BCL6: variants seen among roughly 807,000 people sequenced by gnomAD.
The protein encoded by BCL6 is B-cell lymphoma 6 protein.
BCL6 carries 7 observed loss-of-function variants against 59.5 expected under a neutral mutation model. That is an observed-to-expected ratio of 0.12 (90% CI 0.07 to 0.22). BCL6 has a LOEUF of 0.22. Among genes scored for constraint, BCL6 ranks in the 10% least tolerant of loss-of-function variants. The probability of loss-of-function intolerance (pLI) is 1.00; values close to 1 mark genes in which losing one functional copy is unlikely to be tolerated. For synonymous variants in BCL6, 339 were observed against 349.7 expected (o/e 0.97, Z 0.34); for missense variants, 685 against 939.4 (o/e 0.73, Z 3.54).
chr3:187,729,054 T>C lies in BCL6; in HGVS notation c.1351A>G (p.Asn451Asp), dbSNP rs1718876504. Residue 451 changes from asparagine (N) to aspartate (D), a missense_variant, in exon 5 of 10, where the codon AAC becomes GAC. Asn to Asp is a conservative substitution (Grantham distance 23, BLOSUM62 1). This residue lies in a region of BCL6 where 207 missense variants were observed against 213.7 expected (regional missense o/e 0.97). Coordinates refer to ENST00000406870, the MANE Select transcript of BCL6 (RefSeq NM_001706.5). The surrounding 1 kb of genome is among the most constrained non-coding windows in gnomAD (Gnocchi z 5.6). ...CCAGACAGTCTCTGAAATCACCTGT[T>C]AACGATGTTATTGAGCCGGCTGGCT... ...PQASRLNNIV[N>D]RSMTGSPRSS... is the part of the protein sequence containing the mutation. The C allele has an allele frequency of 6.6e-7, 1 of 1,523,316 alleles. No individual in the cohort carries two copies. The highest frequency in any genetic ancestry group is 8.8e-7 in the Non-Finnish European group (1 of 1,137,656). 94.4% of individuals were successfully genotyped at this position (1,523,316 alleles called of 1,614,324 possible). A position where few individuals can be genotyped will look rare whatever the true frequency, so the allele number is the denominator to read the frequency against.
chr3:187,733,102 A>G (rs1185423711), intron 3 of BCL6, among the ~76,000 whole-genome samples: 1 of 152,234 alleles, frequency 6.6e-6, no homozygotes, highest in Non-Finnish European at 1.5e-5. Flanking sequence ...TATACTCTGA[A>G]CACCCATGGA....
At chr3:187,733,825 G>T in intron 2 of BCL6, 122 bp from the exon 3 acceptor site, 3 of 953,566 alleles carry the variant, frequency 3.1e-6, no homozygotes, top group Non-Finnish European at 3.3e-6. Context: ...CCTTGTATTT[G>T]ATCTTTGAAC....
At chr3:187,741,102 C>T (rs1240567195) in intron 1 of BCL6, among the ~76,000 whole-genome samples, 2 of 152,198 alleles carry the variant, frequency 1.3e-5, no homozygotes, top group African/African-American at 4.8e-5. Flanking sequence ...TCCCTACCCG[C>T]CCCTCTTTAT....
chr3:187,728,413 G>A lies in BCL6; in HGVS notation c.1487C>T (p.Thr496Met), dbSNP rs375595181. The stretch of plus-strand genomic sequence containing the variant: ...GGTCTCTCCCATCTCCTCAGGGAAC[G>A]TGGGGCCAGCGGTGTGGAGGCACAT... Reference protein sequence around the residue: ...AEMCLHTAGPTFPEEMGETQS... With the variant: ...AEMCLHTAGPMFPEEMGETQS... The change falls in exon 6 of 10, where the codon ACG becomes ATG. Residue 496 changes from threonine (T) to methionine (M), a missense_variant. Physicochemically the swap from Thr to Met is moderately conservative, Grantham distance 81. This residue lies in a region of BCL6 where 207 missense variants were observed against 213.7 expected (regional missense o/e 0.97). Coordinates refer to ENST00000406870, the MANE Select transcript of BCL6 (RefSeq NM_001706.5). 2.1e-5 allele frequency: 34 copies of A among 1,611,122 alleles called. No individual in the cohort carries two copies. Among genetic ancestry groups the A allele is most frequent in the East Asian group, 6.7e-5 (3 of 44,814 alleles).
chr3:187,745,221 A>G (rs538306384), intron 1 of BCL6, among the ~76,000 whole-genome samples, 189 bp downstream of exon 1: 2 of 152,298 alleles, frequency 1.3e-5, no homozygotes, highest in East Asian at 3.9e-4. Context: ...AGAATAAATA[A>G]ATATATACAT....
At chr3:187,732,590 CT>C (rs1719099203) in intron 3 of BCL6, among the ~76,000 whole-genome samples, 1 of 152,160 alleles carries the variant, frequency 6.6e-6, no homozygotes, top group African/African-American at 2.4e-5. Flanking sequence ...TCTACTTTTT[CT>C]GAGTGGGTTG....
chr3:187,744,880 A>T (rs2108484566), intron 1 of BCL6, among the ~76,000 whole-genome samples: 2 of 152,262 alleles, frequency 1.3e-5, no homozygotes, highest in South Asian at 2.1e-4. Context: ...GAGAGATCAC[A>T]AGCCGTACGC....
chr3:187,725,163 T>A lies in BCL6; in HGVS notation c.1840-85A>T, dbSNP rs1358062716. ...CCCTCATTAGCACACAGCCAGTGAG[T>A]GGGCCTTTCTCCAGGCCACTCTGCT... is the stretch of plus-strand genomic sequence containing the variant. On this transcript the variant is annotated intron_variant, in intron 8 of 9. Transcript: ENST00000406870. This position sits in a 1 kb window ranked among gnomAD's most constrained non-coding sequence, Gnocchi z 4.7. 2.5e-6 allele frequency: 4 copies of A among 1,571,678 alleles called. No individual in the cohort carries two copies. The highest frequency in any genetic ancestry group is 3.5e-6 in the Non-Finnish European group (4 of 1,149,958).
At position 187,729,919 on chromosome 3, in the gene BCL6, C is replaced by A; in HGVS notation, c.486G>T (p.Val162=). ...TCCTCAGTGGCAGGTTGTTCTCCAC[C>A]ACCTCACGACCCCGATAGGCCATGA... The part of the protein sequence containing the change: ...QDIMAYRGRE[V]VENNLPLRSA... The change falls in exon 5 of 10, where the codon GTG becomes GTT. Residue 162 remains valine, a synonymous_variant. Transcript: ENST00000406870. This position sits in a 1 kb window ranked among gnomAD's most constrained non-coding sequence, Gnocchi z 5.6. 6.2e-7 allele frequency: 1 copy of A among 1,614,092 alleles called. No homozygotes were observed. The highest frequency in any genetic ancestry group is 8.5e-7 in the Non-Finnish European group (1 of 1,180,002).
At chr3:187,740,538 C>A (rs527494179) in intron 1 of BCL6, among the ~76,000 whole-genome samples, 1 of 152,342 alleles carries the variant, frequency 6.6e-6, no homozygotes, top group East Asian at 1.9e-4. Context: ...GTTCTGGCAG[C>A]CGCTCCTTTC....
chr3:187,731,566 A>G, intron 4 of BCL6, 143 bp downstream of exon 4: 1 of 806,040 alleles, frequency 1.2e-6, no homozygotes, highest in Non-Finnish European at 2.0e-6. Flanking sequence ...AGTTAAGAAG[A>G]GCAGAAGTGT....
Position 187,733,567 on chromosome 3 carries a change from A to G in BCL6, c.127T>C (p.Phe43Leu). The G allele has an allele frequency of 6.2e-7, 1 of 1,614,086 alleles. No individual in the cohort carries two copies. Among genetic ancestry groups the G allele is most frequent in the Non-Finnish European group, 8.5e-7 (1 of 1,180,020 alleles). ...DVVIVVSREQ[F>L]RAHKTVLMAC... ...ATGAGGACCGTTTTATGGGCTCTAA[A>G]CTGCTCACGGCTCACAACAATGACA... The change falls in exon 3 of 10, where the codon TTT (phenylalanine) becomes CTT (leucine). Residue 43 changes from phenylalanine (F) to leucine (L), a missense_variant. By Grantham distance (22) the Phe-to-Leu change is conservative (BLOSUM62 0). Coordinates refer to ENST00000406870, the MANE Select transcript of BCL6 (RefSeq NM_001706.5).
At chr3:187,735,946 T>G (rs1719263329) in intron 1 of BCL6, 1 of 152,202 alleles carries the variant, frequency 6.6e-6, no homozygotes. Flanking sequence ...CCCTAGGTCT[T>G]CTGGCTCAAA....
In BCL6 at chr3:187,729,534, C is replaced by T. The variant is rs772472637; in HGVS notation, c.871G>A (p.Ala291Thr). 2 of 1,613,648 alleles carry T rather than the reference C, an allele frequency of 1.2e-6. No homozygotes were observed. Among genetic ancestry groups the T allele is most frequent in the Non-Finnish European group, 1.7e-6 (2 of 1,179,968 alleles). The change falls in exon 5 of 10, where the codon GCC becomes ACC. Residue 291 changes from alanine to threonine, a missense_variant. Coordinates refer to ENST00000406870, the MANE Select transcript of BCL6 (RefSeq NM_001706.5). The surrounding 1 kb of genome is among the most constrained non-coding windows in gnomAD (Gnocchi z 5.6). ...LKPAAPSARNAPYFPCDKASK... is the reference protein window; with the variant it reads ...LKPAAPSARNTPYFPCDKASK... Reference sequence around the variant, plus strand: ...GCCTTGTCACAAGGGAAGTAGGGGGCATTTCGGGCTGAGGGGGCAGCAGGT... The same window carrying T: ...GCCTTGTCACAAGGGAAGTAGGGGGTATTTCGGGCTGAGGGGGCAGCAGGT...
At position 187,721,401 on chromosome 3, in the gene BCL6, T is replaced by C. The variant is rs1318292713; in HGVS notation, c.*1057A>G. 1 of 227,150 alleles carries C rather than the reference T, an allele frequency of 4.4e-6. No homozygotes were observed. The highest frequency in any genetic ancestry group is 8.8e-6 in the Non-Finnish European group (1 of 113,976). 14.1% of individuals were successfully genotyped at this position (227,150 alleles called of 1,614,324 possible). On this transcript the variant is annotated 3_prime_UTR_variant, in exon 10 of 10. Transcript: ENST00000406870. The surrounding 1 kb of genome is among the most constrained non-coding windows in gnomAD (Gnocchi z 4.2). ...GCCAGTTTGACTTTTCAACATTTTA[T>C]TCTTATATTTGTACAGCTATATTTT...
At chr3:187,730,395 T>A (rs1718984377) in intron 4 of BCL6, among the ~76,000 whole-genome samples, 2 of 152,190 alleles carry the variant, frequency 1.3e-5, no homozygotes, top group Admixed American at 1.3e-4. Flanking sequence ...CCATGCAAAA[T>A]CCTGAAAGGA....
intron 1 of BCL6, among the ~76,000 whole-genome samples, chr3:187,743,922 C>T (rs1320071865): frequency 6.6e-6 from 1 of 152,126 alleles, no homozygotes; most frequent in Non-Finnish European, 1.5e-5. Context: ...CCTTTCGCGC[C>T]CGCGCCCGCT....
intron 1 of BCL6, among the ~76,000 whole-genome samples, chr3:187,743,518 G>A (rs1711697630): frequency 2.0e-5 from 3 of 152,016 alleles, no homozygotes; most frequent in South Asian, 4.2e-4. Flanking sequence ...CAACACAGAG[G>A]GTCTTTTTTC....
In BCL6 at chr3:187,729,667, A is replaced by G; in HGVS notation, c.738T>C (p.Thr246=). Residue 246 remains threonine (T), a synonymous_variant, in exon 5 of 10, where the codon ACT becomes ACC. Transcript: ENST00000406870. The surrounding 1 kb of genome is among the most constrained non-coding windows in gnomAD (Gnocchi z 5.6). ...GGCACACATTGGGGGACACCTCCAAAGTCGGCCGGCTGTACTCACCAGGGA... is the reference window on the plus strand; with the variant it reads ...GGCACACATTGGGGGACACCTCCAAGGTCGGCCGGCTGTACTCACCAGGGA... ...RPVPGEYSRP[T]LEVSPNVCHS... is the part of the protein sequence containing the mutation. 1.2e-6 allele frequency: 2 copies of G among 1,614,160 alleles called. No homozygotes were observed. Among genetic ancestry groups the G allele is most frequent in the Non-Finnish European group, 1.7e-6 (2 of 1,180,014 alleles).
Sources: allele counts gnomAD v4.1 joint callset (sites outside exome capture counted in the v4.1 genomes callset), GRCh38; gene constraint gnomAD v4.1.1; regional missense constraint gnomAD v4.1.1; non-coding constraint Gnocchi (gnomAD v3.1); transcripts MANE v1.5; gene names NCBI Gene and HGNC (gene_info 2026-07-23, HGNC 2026-07-21).